Variants in MAP4K3 observed in about 807,000 individuals in gnomAD.
MAP4K3 encodes MAPK/ERK kinase kinase kinase 3.
MAP4K3 carries 94 observed loss-of-function variants against 143.5 expected under a neutral mutation model. The ratio of observed to expected loss-of-function variants is 0.65; its 90% CI spans 0.55 to 0.78. The LOEUF (loss-of-function observed/expected upper bound fraction) is 0.78. MAP4K3 is among the 30% of genes least tolerant of loss of function. MAP4K3 has a pLI of 0.00. For missense variants in MAP4K3, 1,077 were observed against 1,068.1 expected, an observed-to-expected ratio of 1.01 and a Z score of -0.12; for synonymous variants, 416 against 347.2, an observed-to-expected ratio of 1.20 and a Z score of -2.20.
intron 2 of MAP4K3, among the ~76,000 whole-genome samples, chr2:39,358,907 T>C (rs922840571): frequency 2.0e-5 from 3 of 152,142 alleles, no homozygotes; most frequent in Non-Finnish European, 4.4e-5. Flanking sequence ...AGATGAGACA[T>C]GCGTGGTGAC....
intron 2 of MAP4K3, among the ~76,000 whole-genome samples, 170 bp downstream of exon 2, chr2:39,377,896 G>A (rs888321120): frequency 1.3e-5 from 2 of 152,150 alleles, no homozygotes; most frequent in African/African-American, 2.4e-5. Flanking sequence ...ACTGAGCAAG[G>A]TGTGTTGTAT....
intron 3 of MAP4K3, among the ~76,000 whole-genome samples, chr2:39,350,829 C>G (rs1665433415): frequency 6.6e-6 from 1 of 152,092 alleles, no homozygotes; most frequent in African/African-American, 2.4e-5. Context: ...TTCATTTTTG[C>G]CCATATCTCC....
intron 6 of MAP4K3, among the ~76,000 whole-genome samples, chr2:39,335,504 T>G (rs973692079): frequency 6.6e-6 from 1 of 152,160 alleles, no homozygotes; most frequent in Non-Finnish European, 1.5e-5. Context: ...CTCTAATTAG[T>G]CTCATACATT....
chr2:39,321,763 G>A (rs892453472), intron 12 of MAP4K3, among the ~76,000 whole-genome samples: 6 of 152,212 alleles, frequency 3.9e-5, no homozygotes, highest in Non-Finnish European at 7.3e-5. Flanking sequence ...TGGGACATGC[G>A]GGCAACAATA....
intron 4 of MAP4K3, among the ~76,000 whole-genome samples, chr2:39,338,096 T>A (rs1665028016): frequency 1.3e-5 from 2 of 152,062 alleles, no homozygotes; most frequent in Admixed American, 1.3e-4. Context: ...GATTTGCTCA[T>A]TGTTGTATCT....
chr2:39,282,395 A>T, intron 22 of MAP4K3, 118 bp downstream of exon 22: 1 of 810,976 alleles, frequency 1.2e-6, no homozygotes, highest in East Asian at 2.7e-5. Flanking sequence ...TAGCAATCTT[A>T]TAGATTTTTT....
intron 3 of MAP4K3, among the ~76,000 whole-genome samples, chr2:39,352,836 C>T (rs1157819097): frequency 6.6e-6 from 1 of 152,132 alleles, no homozygotes; most frequent in East Asian, 1.9e-4. Context: ...GGAAATTTAT[C>T]AATGGTCAAA....
chr2:39,423,348 G>A (rs1664952360), intron 1 of MAP4K3, among the ~76,000 whole-genome samples: 1 of 152,148 alleles, frequency 6.6e-6, no homozygotes, highest in Non-Finnish European at 1.5e-5. Flanking sequence ...CACTTTGGGA[G>A]GCATTTTGGC....
At chr2:39,258,196 T>C (rs1680423051) in intron 31 of MAP4K3, 152 bp downstream of exon 31, 5 of 618,370 alleles carry the variant, frequency 8.1e-6, no homozygotes, top group Admixed American at 3.2e-5. Flanking sequence ...CCTCCCAAAG[T>C]GCTGGGATTA....
chr2:39,433,069 G>A (rs1665343335), intron 1 of MAP4K3, among the ~76,000 whole-genome samples: 1 of 152,172 alleles, frequency 6.6e-6, no homozygotes, highest in Non-Finnish European at 1.5e-5. Context: ...TTTACCATAG[G>A]ACTTCTCAGT....
At chr2:39,418,901 G>A (rs1331286992) in intron 1 of MAP4K3, among the ~76,000 whole-genome samples, 1 of 152,178 alleles carries the variant, frequency 6.6e-6, no homozygotes, top group Non-Finnish European at 1.5e-5. Flanking sequence ...TCCTGAGACA[G>A]AAAGAGGCAT....
At chr2:39,383,465 A>G (rs1268347126) in intron 1 of MAP4K3, among the ~76,000 whole-genome samples, 1 of 152,148 alleles carries the variant, frequency 6.6e-6, no homozygotes, top group East Asian at 1.9e-4. Flanking sequence ...GAGAACTACA[A>G]TTAAAGATGA....
At chr2:39,275,525 T>A (rs142971169) in intron 24 of MAP4K3, among the ~76,000 whole-genome samples, 55 of 152,314 alleles carry the variant, frequency 3.6e-4, no homozygotes, top group Middle Eastern at 3.4e-3. Flanking sequence ...ATTAGGTTGA[T>A]AAATGCTTAC....
chr2:39,278,195 T>C (rs886882775), intron 24 of MAP4K3, among the ~76,000 whole-genome samples: 5 of 151,810 alleles, frequency 3.3e-5, no homozygotes, highest in Admixed American at 6.6e-5. Flanking sequence ...GGCATGAGAA[T>C]TGCTTGAAAC....
chr2:39,314,114 C>T (rs113821066), intron 13 of MAP4K3, among the ~76,000 whole-genome samples: 10,631 of 152,042 alleles, frequency 0.07, 1,251 homozygotes, highest in African/African-American at 0.24. Flanking sequence ...ACTGCAAACT[C>T]GGCCTCCCAG....
intron 3 of MAP4K3, among the ~76,000 whole-genome samples, chr2:39,347,765 G>C (rs984327030): frequency 1.3e-5 from 2 of 152,010 alleles, no homozygotes; most frequent in African/African-American, 2.4e-5. Flanking sequence ...GGAAAAAAGA[G>C]AGATGGGATT....
intron 1 of MAP4K3, among the ~76,000 whole-genome samples, chr2:39,398,701 C>G (rs546199899): frequency 7.1e-6 from 1 of 141,804 alleles, no homozygotes; most frequent in East Asian, 2.1e-4. Context: ...TTGATGGTTT[C>G]AGGAATAATT....
At chr2:39,254,811 C>T (rs1233888677) in intron 31 of MAP4K3, among the ~76,000 whole-genome samples, 1 of 152,076 alleles carries the variant, frequency 6.6e-6, no homozygotes, top group Non-Finnish European at 1.5e-5. Context: ...AACTCCTGGC[C>T]TCAAGTGATC....
chr2:39,367,663 T>C (rs1360302759), intron 2 of MAP4K3, among the ~76,000 whole-genome samples: 2 of 152,010 alleles, frequency 1.3e-5, no homozygotes, highest in Non-Finnish European at 2.9e-5. Context: ...CCCAGATATT[T>C]GGGGGACTGA....
Sources: gnomAD v4.1 joint callset for allele counts (sites outside exome capture counted in the v4.1 genomes callset) on GRCh38, gnomAD v4.1.1 for gene constraint, MANE v1.5 for transcripts, NCBI Gene and HGNC (gene_info 2026-07-23, HGNC 2026-07-21) for gene names.